PLEKHA5: variants seen among roughly 807,000 people sequenced by gnomAD.
PLEKHA5 encodes the protein pleckstrin homology domain containing A5.
Under a neutral mutation model 181.9 loss-of-function variants are expected in PLEKHA5, and 55 were observed. That is an observed-to-expected ratio of 0.30 (90% CI 0.24 to 0.38). The LOEUF (loss-of-function observed/expected upper bound fraction) is 0.38, where lower values mean the gene tolerates loss of function less well. Ranked by LOEUF, PLEKHA5 falls within the 10% of genes least tolerant of loss-of-function variation. The probability of loss-of-function intolerance (pLI) is 1.00; values close to 1 mark genes in which losing one functional copy is unlikely to be tolerated. For synonymous variants in PLEKHA5, 535 were observed against 529.4 expected, an observed-to-expected ratio of 1.01 and a Z score of -0.15; for missense variants, 1,432 against 1,549.5, an observed-to-expected ratio of 0.92 and a Z score of 1.27.
At chr12:19,131,997 T>C (rs945789668) in intron 2 of PLEKHA5, among the ~76,000 whole-genome samples, 1 of 152,148 alleles carries the variant, frequency 6.6e-6, no homozygotes, top group Admixed American at 6.5e-5. Flanking sequence ...AAAAATACGG[T>C]CTTAAATAGA....
At chr12:19,252,176 G>A (rs1464945821) in intron 3 of PLEKHA5, among the ~76,000 whole-genome samples, 4 of 152,006 alleles carry the variant, frequency 2.6e-5, no homozygotes, top group Non-Finnish European at 5.9e-5. Context: ...AAGCTTCAGA[G>A]TATTGAGTTA....
intron 15 of PLEKHA5, among the ~76,000 whole-genome samples, chr12:19,313,756 G>T (rs1427765486): frequency 1.3e-5 from 2 of 152,120 alleles, no homozygotes; most frequent in Non-Finnish European, 1.5e-5. Context: ...GATTAAACCA[G>T]TCACAGGAGG....
At chr12:19,223,405 TGTTTTC>T in intron 3 of PLEKHA5, among the ~76,000 whole-genome samples, 1 of 152,260 alleles carries the variant, frequency 6.6e-6, no homozygotes, top group East Asian at 1.9e-4. Context: ...TTTATATAGT[TGTTTTC>T]GTTGTGAGAT....
chr12:19,261,035 A>T lies in PLEKHA5; in HGVS notation c.610+14A>T, dbSNP rs778305274. On this transcript the variant is annotated intron_variant, in intron 7 of 31. Transcript: ENST00000429027. ...TTTATTATAGAGGTAAGTTTACCCT[A>T]CTGTCTTAGTGTATTATTTTGTAAT... is the stretch of plus-strand genomic sequence containing the variant. 1 of 1,463,704 alleles carries T rather than the reference A, an allele frequency of 6.8e-7. No homozygotes were observed. The highest frequency in any genetic ancestry group is 2.3e-5 in the East Asian group (1 of 44,012). 90.7% of individuals were successfully genotyped at this position (1,463,704 alleles called of 1,614,324 possible).
chr12:19,150,364 G>A (rs2040085616), intron 3 of PLEKHA5: 1 of 152,186 alleles, frequency 6.6e-6, no homozygotes, highest in African/African-American at 2.4e-5. Context: ...GTGTGCTTCT[G>A]AGAAGTCTTT....
At chr12:19,350,093 CAG>C (rs2094522039) in intron 25 of PLEKHA5, among the ~76,000 whole-genome samples, 1 of 152,070 alleles carries the variant, frequency 6.6e-6, no homozygotes, top group Non-Finnish European at 1.5e-5. Context: ...GTCTGGGTGA[CAG>C]AGTGAGACTC....
chr12:19,357,687 G>A (rs2417782), intron 26 of PLEKHA5, among the ~76,000 whole-genome samples: 112,971 of 151,870 alleles, frequency 0.74, 45,362 homozygotes, highest in Non-Finnish European at 0.92. Context: ...GCATGCTGGA[G>A]TGCAGTAGCA....
chr12:19,246,779 G>C (rs2063865733), intron 3 of PLEKHA5, among the ~76,000 whole-genome samples: 1 of 151,970 alleles, frequency 6.6e-6, no homozygotes, highest in African/African-American at 2.4e-5. Context: ...TGGTCTTATT[G>C]GATAACAGGA....
intron 6 of PLEKHA5, among the ~76,000 whole-genome samples, chr12:19,259,041 T>A (rs1407916791): frequency 1.3e-5 from 2 of 152,144 alleles, no homozygotes; most frequent in East Asian, 3.9e-4. Flanking sequence ...GCAAAAGTAT[T>A]ACCAAGTAGC....
intron 15 of PLEKHA5, among the ~76,000 whole-genome samples, chr12:19,296,270 G>T (rs1263175903): frequency 1.3e-5 from 2 of 151,504 alleles, no homozygotes; most frequent in Admixed American, 6.6e-5. Flanking sequence ...AGTGTGGCCA[G>T]GCACTGTGGC....
At chr12:19,306,457 C>T (rs771700676) in intron 15 of PLEKHA5, 4 of 615,372 alleles carry the variant, frequency 6.5e-6, no homozygotes, top group Non-Finnish European at 9.2e-6. Context: ...GCATCGGATA[C>T]CCACCTCCCA....
At chr12:19,220,998 C>T (rs929050739) in intron 3 of PLEKHA5, among the ~76,000 whole-genome samples, 2 of 152,166 alleles carry the variant, frequency 1.3e-5, no homozygotes, top group African/African-American at 4.8e-5. Flanking sequence ...ATTCAAAAAA[C>T]TGGCCATACC....
intron 3 of PLEKHA5, among the ~76,000 whole-genome samples, chr12:19,210,377 A>G (rs1038909022): frequency 6.6e-6 from 1 of 152,188 alleles, no homozygotes; most frequent in Admixed American, 6.5e-5. Flanking sequence ...AGAACAGAGG[A>G]CCTGTGACTT....
intron 3 of PLEKHA5, among the ~76,000 whole-genome samples, chr12:19,138,389 A>G (rs1030156653): frequency 1.3e-5 from 2 of 151,882 alleles, no homozygotes; most frequent in African/African-American, 2.4e-5. Context: ...CCTGGCTAAC[A>G]TGGTAAAACC....
intron 3 of PLEKHA5, among the ~76,000 whole-genome samples, chr12:19,237,208 T>C (rs1056018179): frequency 6.6e-6 from 1 of 152,118 alleles, no homozygotes; most frequent in East Asian, 1.9e-4. Context: ...ATAAACAAAG[T>C]ATTGTTTTGT....
intron 3 of PLEKHA5, among the ~76,000 whole-genome samples, chr12:19,197,766 T>C (rs1359947111): frequency 6.6e-6 from 1 of 150,724 alleles, no homozygotes; most frequent in Non-Finnish European, 1.5e-5. Context: ...AAGGCTCTTT[T>C]TACACCGTAT....
intron 15 of PLEKHA5, among the ~76,000 whole-genome samples, chr12:19,308,419 G>C (rs1033708542): frequency 1.3e-5 from 2 of 152,118 alleles, no homozygotes; most frequent in Non-Finnish European, 2.9e-5. Flanking sequence ...TTTAGAAAAT[G>C]GTATGATGTA....
In PLEKHA5 at chr12:19,320,017, T is replaced by G; in HGVS notation, c.2119-4T>G. The G allele has an allele frequency of 7.4e-7, 1 of 1,350,292 alleles. No individual in the cohort carries two copies. The highest frequency in any genetic ancestry group is 1.0e-6 in the Non-Finnish European group (1 of 989,960). The allele number at this position is 1,350,292 out of a possible 1,614,324, so 83.6% of individuals were successfully genotyped here. A position where few individuals can be genotyped will look rare whatever the true frequency, so the allele number is the denominator to read the frequency against. ...ACCCATCCTTTTCCTTCATTATCTT[T>G]TAGTTCTTAAGACAGAAGAGCAAGA... On this transcript the variant is annotated splice_region_variant and splice_polypyrimidine_tract_variant and intron_variant, in intron 16 of 31. Transcript: ENST00000429027.
At chr12:19,227,534 T>C (rs555868909) in intron 3 of PLEKHA5, among the ~76,000 whole-genome samples, 2 of 152,274 alleles carry the variant, frequency 1.3e-5, no homozygotes, top group African/African-American at 4.8e-5. Flanking sequence ...TGTCCTAGAA[T>C]GTGAGTGATT....
Sources: gnomAD v4.1 joint callset for allele counts (sites outside exome capture counted in the v4.1 genomes callset) on GRCh38, gnomAD v4.1.1 for gene constraint, MANE v1.5 for transcripts, NCBI Gene and HGNC (gene_info 2026-07-23, HGNC 2026-07-21) for gene names.